SMOC2: variants seen among roughly 807,000 people sequenced by gnomAD.
SMOC2 encodes SPARC related modular calcium binding 2.
A neutral mutation model predicts 61.4 loss-of-function variants in SMOC2; 39 were observed. The observed-to-expected ratio is 0.64, with a 90% CI of 0.49 to 0.83. The LOEUF is 0.83. SMOC2 is among the 40% of genes least tolerant of loss of function. SMOC2 has a pLI of 0.00. For synonymous variants in SMOC2, 247 were observed against 239.9 expected (o/e 1.03, Z -0.27); for missense variants, 556 against 592.9 (o/e 0.94, Z 0.65).
Position 168,667,984 on chromosome 6 carries a change from T to C in SMOC2, c.*1546T>C, listed in dbSNP as rs1453409326. 6.6e-6 allele frequency: 1 copy of C among 152,210 alleles called. No homozygotes were observed. The highest frequency in any genetic ancestry group is 6.5e-5 in the Admixed American group (1 of 15,290). The allele number at this position is 152,210 out of a possible 1,614,324, so 9.4% of individuals were successfully genotyped here. The stretch of plus-strand genomic sequence containing the variant: ...TCTTAGATTAAAATAAAATATGCTA[T>C]TGAAACTATATTAGTCTTTTTTTTT... On this transcript the variant is annotated 3_prime_UTR_variant, in exon 13 of 13. Coordinates refer to ENST00000356284, the MANE Select transcript of SMOC2 (RefSeq NM_001166412.2).
intron 10 of SMOC2, among the ~76,000 whole-genome samples, chr6:168,652,104 C>T (rs1437268167): frequency 6.6e-6 from 1 of 151,860 alleles, no homozygotes; most frequent in Admixed American, 6.6e-5. Flanking sequence ...TTTACATCTT[C>T]TATTCTTGGA....
At chr6:168,557,556 G>T (rs927600144) in intron 7 of SMOC2, among the ~76,000 whole-genome samples, 3 of 152,196 alleles carry the variant, frequency 2.0e-5, no homozygotes. Context: ...TTGAGCTCTC[G>T]CCATGAAAGA....
intron 1 of SMOC2, among the ~76,000 whole-genome samples, chr6:168,488,241 G>A (rs1411239488): frequency 1.3e-5 from 2 of 152,318 alleles, no homozygotes; most frequent in East Asian, 3.9e-4. Context: ...GCATTCCTCC[G>A]CTTGCAGATG....
intron 7 of SMOC2, among the ~76,000 whole-genome samples, chr6:168,560,227 C>T (rs1364528489): frequency 3.3e-5 from 5 of 152,178 alleles, no homozygotes; most frequent in Non-Finnish European, 5.9e-5. Context: ...GATCTCTCTG[C>T]TTTTGCCTGA....
At chr6:168,586,315 C>T (rs545262674) in intron 7 of SMOC2, among the ~76,000 whole-genome samples, 1 of 152,206 alleles carries the variant, frequency 6.6e-6, no homozygotes, top group African/African-American at 2.4e-5. Context: ...TTTAAATTTA[C>T]TTATAAGCTT....
chr6:168,610,530 C>A (rs1785831633), intron 9 of SMOC2, among the ~76,000 whole-genome samples: 1 of 152,166 alleles, frequency 6.6e-6, no homozygotes, highest in Non-Finnish European at 1.5e-5. Context: ...AGGTCCCATG[C>A]AGGCTGATGT....
At chr6:168,442,036 TG>T (rs1781223157) in intron 1 of SMOC2, among the ~76,000 whole-genome samples, 2 of 152,182 alleles carry the variant, frequency 1.3e-5, no homozygotes, top group African/African-American at 2.4e-5. Flanking sequence ...CTGCCAGTCG[TG>T]GGCCCCACTC....
intron 11 of SMOC2, among the ~76,000 whole-genome samples, chr6:168,656,526 A>G (rs1830648): frequency 0.29 from 33,768 of 117,794 alleles, 5,259 homozygotes; most frequent in East Asian, 0.38. Context: ...AAAAAAAAAA[A>G]AAAAGAAAAG....
chr6:168,665,688 C>T (rs888970723), intron 12 of SMOC2, among the ~76,000 whole-genome samples: 4 of 152,226 alleles, frequency 2.6e-5, no homozygotes, highest in Non-Finnish European at 4.4e-5. Flanking sequence ...AATACTTTGA[C>T]GGGTTGTCTT....
chr6:168,664,690 A>C (rs747174342), intron 12 of SMOC2: 22 of 470,710 alleles, frequency 4.7e-5, no homozygotes, highest in Non-Finnish European at 9.3e-5. Flanking sequence ...TGTGTTCACA[A>C]ACATGTGTTG....
chr6:168,602,946 T>G (rs1785590398), intron 8 of SMOC2, among the ~76,000 whole-genome samples: 2 of 152,150 alleles, frequency 1.3e-5, no homozygotes, highest in South Asian at 2.1e-4. Flanking sequence ...TTTGGCTGTG[T>G]CCCCACCCAA....
chr6:168,601,315 C>T (rs925991343), intron 8 of SMOC2, among the ~76,000 whole-genome samples: 4 of 152,184 alleles, frequency 2.6e-5, no homozygotes, highest in African/African-American at 9.7e-5. Flanking sequence ...AGCGCTCCAC[C>T]GTCCGGCCGC....
chr6:168,616,616 A>G (rs1316599917), intron 9 of SMOC2, among the ~76,000 whole-genome samples: 1 of 152,206 alleles, frequency 6.6e-6, no homozygotes, highest in Non-Finnish European at 1.5e-5. Flanking sequence ...TGGATGTCTA[A>G]ATATGAAATT....
At chr6:168,456,528 C>T (rs917166767) in intron 1 of SMOC2, among the ~76,000 whole-genome samples, 7 of 152,198 alleles carry the variant, frequency 4.6e-5, no homozygotes, top group Non-Finnish European at 8.8e-5. Flanking sequence ...ACGGAGACTC[C>T]CCGGTGCCAC....
At chr6:168,462,470 C>T (rs118143372) in intron 1 of SMOC2, among the ~76,000 whole-genome samples, 5,610 of 152,090 alleles carry the variant, frequency 0.037, 160 homozygotes, top group South Asian at 0.13. Flanking sequence ...TAAAGTTTTC[C>T]CAGCTCTCGA....
chr6:168,651,768 C>T (rs1787198625), intron 10 of SMOC2, among the ~76,000 whole-genome samples: 1 of 152,176 alleles, frequency 6.6e-6, no homozygotes, highest in Non-Finnish European at 1.5e-5. Context: ...AGGCCGGGCG[C>T]AGGGGCTCAC....
chr6:168,491,730 T>C (rs1316858451), intron 1 of SMOC2, among the ~76,000 whole-genome samples: 1 of 151,194 alleles, frequency 6.6e-6, no homozygotes, highest in African/African-American at 2.4e-5. Flanking sequence ...GAAGAGCCAT[T>C]GAGTTGACTT....
At chr6:168,623,190 A>T (rs574144236) in intron 9 of SMOC2, among the ~76,000 whole-genome samples, 1 of 152,266 alleles carries the variant, frequency 6.6e-6, no homozygotes, top group African/African-American at 2.4e-5. Flanking sequence ...GATAGTAGAG[A>T]TTGAGTCAGC....
At chr6:168,643,185 A>G (rs1055829436) in intron 9 of SMOC2, among the ~76,000 whole-genome samples, 1 of 152,206 alleles carries the variant, frequency 6.6e-6, no homozygotes, top group East Asian at 1.9e-4. Context: ...AGCAAACTCA[A>G]GCAGGGCTCC....
Sources: gnomAD v4.1 joint callset for allele counts (sites outside exome capture counted in the v4.1 genomes callset) on GRCh38, gnomAD v4.1.1 for gene constraint, MANE v1.5 for transcripts, NCBI Gene and HGNC (gene_info 2026-07-23, HGNC 2026-07-21) for gene names.